The following ERICH6B variants were observed in gnomAD, a reference collection of about 807,000 sequenced individuals.
ERICH6B encodes the protein glutamate-rich protein 6B.
In ERICH6B, 69 loss-of-function variants were observed where a neutral mutation model predicts 80.0. That is an observed-to-expected ratio of 0.86 (90% CI 0.71 to 1.05). The LOEUF is 1.05. Ranked by LOEUF, ERICH6B falls within the 50% of genes least tolerant of loss-of-function variation. The probability of loss-of-function intolerance (pLI) is 0.00; values close to 1 mark genes in which losing one functional copy is unlikely to be tolerated. For missense variants in ERICH6B, 754 were observed against 796.1 expected, an observed-to-expected ratio of 0.95 and a Z score of 0.64; for synonymous variants, 283 against 291.9, an observed-to-expected ratio of 0.97 and a Z score of 0.31.
At chr13:45,612,542 G>A (rs1169186683) in intron 1 of ERICH6B, among the ~76,000 whole-genome samples, 1 of 152,164 alleles carries the variant, frequency 6.6e-6, no homozygotes, top group Non-Finnish European at 1.5e-5. Flanking sequence ...TGAGAGAATT[G>A]GGCAGTCCCC....
chr13:45,541,709 G>C (rs1395602412), intron 14 of ERICH6B, 29 bp from the exon 15 acceptor site: 1 of 1,545,604 alleles, frequency 6.5e-7, no homozygotes, highest in Non-Finnish European at 8.7e-7. Context: ...GACTGGGTGA[G>C]AATGCATGCT....
intron 1 of ERICH6B, among the ~76,000 whole-genome samples, chr13:45,610,113 C>T (rs142588967): frequency 2.0e-5 from 3 of 152,280 alleles, no homozygotes; most frequent in Non-Finnish European, 2.9e-5. Flanking sequence ...GATTGCCAGC[C>T]ATTATTCTGG....
At chr13:45,609,027 T>C (rs1949884988) in intron 1 of ERICH6B, among the ~76,000 whole-genome samples, 1 of 152,218 alleles carries the variant, frequency 6.6e-6, no homozygotes, top group Non-Finnish European at 1.5e-5. Flanking sequence ...CTGAATCCGT[T>C]CTTCCTGCTA....
intron 9 of ERICH6B, among the ~76,000 whole-genome samples, chr13:45,567,627 T>C (rs1013411602): frequency 1.3e-5 from 2 of 152,240 alleles, no homozygotes; most frequent in African/African-American, 2.4e-5. Flanking sequence ...CTCAGTCACA[T>C]GGAACTGTAA....
At position 45,581,576 on chromosome 13, in the gene ERICH6B, C is replaced by T. The variant is rs185173958; in HGVS notation, c.857-911G>A. Among the ~76,000 whole-genome samples, 12 of 152,250 alleles carry T rather than the reference C, an allele frequency of 7.9e-5. No individual in the cohort carries two copies. In the East Asian group the frequency reaches 1.2e-3, roughly 15 times the overall value. On this transcript the variant is annotated intron_variant, in intron 5 of 14. Coordinates refer to ENST00000298738, the MANE Select transcript of ERICH6B (RefSeq NM_182542.3). ...ATTTTTAGTAGAGGCAGAGTTTTGC[C>T]GTGTTGGCCAGTCTGGTCTCGAACT...
chr13:45,594,612 A>T (rs1876287785), intron 3 of ERICH6B, among the ~76,000 whole-genome samples: 2 of 152,222 alleles, frequency 1.3e-5, no homozygotes, highest in Non-Finnish European at 2.9e-5. Context: ...GCAACAACTA[A>T]ATTTCCAGGA....
chr13:45,551,681 T>C (rs1874228775), intron 11 of ERICH6B: 1 of 152,196 alleles, frequency 6.6e-6, no homozygotes, highest in Non-Finnish European at 1.5e-5. Context: ...GAATCCCCAA[T>C]GCAATAGTGT....
intron 9 of ERICH6B, among the ~76,000 whole-genome samples, chr13:45,566,187 G>A (rs7318169): frequency 0.12 from 17,784 of 152,222 alleles, 3,066 homozygotes; most frequent in African/African-American, 0.37. Context: ...CATTCAAGAG[G>A]TGACTTGGGT....
At chr13:45,555,568 G>T (rs555785035) in intron 11 of ERICH6B, 20 of 152,294 alleles carry the variant, frequency 1.3e-4, no homozygotes, top group African/African-American at 4.8e-4. Flanking sequence ...GCTAGCTGGG[G>T]TCATGGGGTC....
intron 2 of ERICH6B, among the ~76,000 whole-genome samples, chr13:45,606,530 TATATATATATATATA>T (rs2138036021): frequency 1.2e-4 from 4 of 34,480 alleles, no homozygotes; most frequent in African/African-American, 4.1e-4. Context: ...TATATATATA[TATATATATATATATA>T]TATTTTTTTT....
intron 4 of ERICH6B, among the ~76,000 whole-genome samples, chr13:45,588,557 G>A (rs983176791): frequency 2.6e-5 from 4 of 152,220 alleles, no homozygotes; most frequent in Non-Finnish European, 4.4e-5. Flanking sequence ...GCGAGATGAT[G>A]ACTGTCGTAC....
In ERICH6B at chr13:45,567,152, C is replaced by T. The variant is rs147331306; in HGVS notation, c.1187+1163G>A. 7.4e-3 allele frequency among the ~76,000 whole-genome samples: 1,122 copies of T among 152,338 alleles called. 13 individuals are homozygous for T. Among genetic ancestry groups the T allele is most frequent in the African/African-American group, 0.025 (1,045 of 41,568 alleles). On this transcript the variant is annotated intron_variant, in intron 9 of 14. Coordinates refer to ENST00000298738, the MANE Select transcript of ERICH6B (RefSeq NM_182542.3). ...TTCTCTCAGTTAGAACAGCTGTATT[C>T]ATCCAATGCCTGTACGCCCACTGTA...
intron 2 of ERICH6B, among the ~76,000 whole-genome samples, chr13:45,598,509 G>C (rs1447649972): frequency 1.3e-5 from 2 of 152,134 alleles, no homozygotes; most frequent in Non-Finnish European, 2.9e-5. Flanking sequence ...CTGGCTGTCT[G>C]AGTGGGAAAC....
intron 11 of ERICH6B, among the ~76,000 whole-genome samples, chr13:45,552,270 A>G (rs1484722219): frequency 6.6e-6 from 1 of 152,084 alleles, no homozygotes; most frequent in East Asian, 1.9e-4. Context: ...GATGTTTTGC[A>G]TGTGCTTGGA....
chr13:45,606,743 G>A (rs1041865791), intron 2 of ERICH6B, among the ~76,000 whole-genome samples: 35 of 151,030 alleles, frequency 2.3e-4, no homozygotes, highest in East Asian at 5.9e-4. Context: ...TAGTAGAGAC[G>A]GGGTTTCACC....
intron 9 of ERICH6B, among the ~76,000 whole-genome samples, chr13:45,567,480 C>T (rs937763456): frequency 1.3e-5 from 2 of 152,098 alleles, no homozygotes; most frequent in Non-Finnish European, 2.9e-5. Flanking sequence ...CTTTCCAGTT[C>T]TGTTCTCGTA....
intron 1 of ERICH6B, among the ~76,000 whole-genome samples, chr13:45,614,951 C>A (rs1949919438): frequency 6.6e-6 from 1 of 152,238 alleles, no homozygotes; most frequent in South Asian, 2.1e-4. Context: ...GTTCTGGCAA[C>A]CCCCTTAGAC....
intron 1 of ERICH6B, among the ~76,000 whole-genome samples, chr13:45,608,134 G>A (rs1183776305): frequency 6.6e-6 from 1 of 152,210 alleles, no homozygotes; most frequent in African/African-American, 2.4e-5. Context: ...GATTTGGGAA[G>A]TTGTGCAATG....
At chr13:45,577,536 C>A (rs1381328545) in intron 7 of ERICH6B, among the ~76,000 whole-genome samples, 1 of 152,028 alleles carries the variant, frequency 6.6e-6, no homozygotes, top group African/African-American at 2.4e-5. Context: ...CCGGCCTCAG[C>A]CTCCCAAAAT....
Sources: gnomAD v4.1 joint callset for allele counts (sites outside exome capture counted in the v4.1 genomes callset) on GRCh38, gnomAD v4.1.1 for gene constraint, MANE v1.5 for transcripts, NCBI Gene and HGNC (gene_info 2026-07-23, HGNC 2026-07-21) for gene names.